EXTL3: variants seen among roughly 807,000 people sequenced by gnomAD.
The protein encoded by EXTL3 is exostosin-like 3.
Under a neutral mutation model 69.3 loss-of-function variants are expected in EXTL3, and 27 were observed. The observed-to-expected ratio is 0.39, with a 90% confidence interval of 0.29 to 0.54. EXTL3 has a LOEUF of 0.54. Among genes scored for constraint, EXTL3 ranks in the 20% least tolerant of loss-of-function variants. The probability of loss-of-function intolerance (pLI) is 0.69; values close to 1 mark genes in which losing one functional copy is unlikely to be tolerated. For synonymous variants in EXTL3, 511 were observed against 499.4 expected, an observed-to-expected ratio of 1.02 and a Z score of -0.31; for missense variants, 1,003 against 1,231.8, an observed-to-expected ratio of 0.81 and a Z score of 2.78.
In EXTL3 at chr8:28,753,603, C is replaced by G. The variant is rs1802057868; in HGVS notation, c.*2737C>G. 1 of 152,674 alleles carries G rather than the reference C, an allele frequency of 6.5e-6. No homozygotes were observed. Among genetic ancestry groups the G allele is most frequent in the Admixed American group, 6.5e-5 (1 of 15,270 alleles). The allele number at this position is 152,674 out of a possible 1,614,324, so 9.5% of individuals were successfully genotyped here. A position where few individuals can be genotyped will look rare whatever the true frequency, so the allele number is the denominator to read the frequency against. ...CTTTGATATCCATGCCACGTCCATC[C>G]ACCCCACCCCTTTTCGTCACGAGCA... is the stretch of plus-strand genomic sequence containing the variant. On this transcript the variant is annotated 3_prime_UTR_variant, in exon 7 of 7. Coordinates refer to ENST00000220562, the MANE Select transcript of EXTL3 (RefSeq NM_001440.4).
At chr8:28,721,071 T>C (rs966581917) in intron 3 of EXTL3, among the ~76,000 whole-genome samples, 7 of 152,240 alleles carry the variant, frequency 4.6e-5, no homozygotes, top group Non-Finnish European at 1.0e-4. Flanking sequence ...CTGGCTACTT[T>C]TGAAATTTTT....
At chr8:28,731,687 G>A (rs1169300611) in intron 4 of EXTL3, among the ~76,000 whole-genome samples, 1 of 152,120 alleles carries the variant, frequency 6.6e-6, no homozygotes, top group African/African-American at 2.4e-5. Context: ...AGAGGCAACG[G>A]GTAGGGTAGT....
chr8:28,657,523 G>A (rs906877334), intron 1 of EXTL3, among the ~76,000 whole-genome samples: 1 of 152,144 alleles, frequency 6.6e-6, no homozygotes, highest in Non-Finnish European at 1.5e-5. Context: ...TTTGTTTAGA[G>A]CTGTAACATT....
At chr8:28,699,524 C>T (rs530319278), upstream of EXTL3, 54 of 152,336 alleles carry the variant, frequency 3.5e-4, no homozygotes, top group South Asian at 1.5e-3. Flanking sequence ...TGTTGTTGTT[C>T]CCTAGATGGA....
intron 3 of EXTL3, among the ~76,000 whole-genome samples, chr8:28,720,673 G>A (rs963344738): frequency 3.3e-5 from 5 of 152,142 alleles, no homozygotes; most frequent in Non-Finnish European, 7.3e-5. Context: ...GGATGGTGGC[G>A]GGGCAAGGAG....
At chr8:28,669,247 A>G (rs903447392) in intron 1 of EXTL3, among the ~76,000 whole-genome samples, 5 of 152,208 alleles carry the variant, frequency 3.3e-5, no homozygotes, top group African/African-American at 9.7e-5. Context: ...TTCGCACTGC[A>G]CTAACTATAA....
intron 1 of EXTL3, among the ~76,000 whole-genome samples, chr8:28,658,204 G>T (rs551818584): frequency 6.2e-4 from 45 of 72,206 alleles, no homozygotes; most frequent in East Asian, 3.8e-3. Context: ...GACGGTGGGT[G>T]GGGGGGGTCC....
chr8:28,729,552 C>T (rs1005977072), intron 3 of EXTL3, among the ~76,000 whole-genome samples: 16 of 124,608 alleles, frequency 1.3e-4, no homozygotes, highest in African/African-American at 4.1e-4. Flanking sequence ...GCCAAGATTG[C>T]GCGACTGCAC....
intron 1 of EXTL3, among the ~76,000 whole-genome samples, chr8:28,667,181 T>G (rs1807210110): frequency 6.6e-6 from 1 of 152,212 alleles, no homozygotes; most frequent in African/African-American, 2.4e-5. Flanking sequence ...TCAAGACTAT[T>G]GCATTGGGGG....
chr8:28,737,745 G>C, intron 5 of EXTL3, 82 bp downstream of exon 5: 1 of 1,440,316 alleles, frequency 6.9e-7, no homozygotes, highest in Non-Finnish European at 9.8e-7. Context: ...CCTCAGCTTA[G>C]CTCTCCTAAC....
At chr8:28,619,150 T>C (rs939385542), upstream of EXTL3, among the ~76,000 whole-genome samples, 1 of 147,214 alleles carries the variant, frequency 6.8e-6, no homozygotes, top group Non-Finnish European at 1.5e-5. Context: ...TTCTGTTACC[T>C]GATTTAGCAC....
chr8:28,691,119 T>A (rs571863095), intron 1 of EXTL3, among the ~76,000 whole-genome samples: 126 of 152,330 alleles, frequency 8.3e-4, no homozygotes, highest in African/African-American at 3.0e-3. Flanking sequence ...GATACCAAAA[T>A]TAGTATATTT....
At chr8:28,697,857 T>C (rs991588286), upstream of EXTL3, 7 of 148,670 alleles carry the variant, frequency 4.7e-5, no homozygotes, top group Non-Finnish European at 7.4e-5. Flanking sequence ...AAAAACTACA[T>C]ACATGACTGT....
At chr8:28,626,381 AGTG>A (rs1806492159) in intron 1 of EXTL3, among the ~76,000 whole-genome samples, 1 of 152,178 alleles carries the variant, frequency 6.6e-6, no homozygotes, top group Non-Finnish European at 1.5e-5. Flanking sequence ...CTGAGGCTTC[AGTG>A]AAGAATGGAC....
Position 28,728,046 on chromosome 8 carries a change from T to G in EXTL3, c.2149-3177T>G, listed in dbSNP as rs142878514. Among the ~76,000 whole-genome samples, 14 of 152,340 alleles carry G rather than the reference T, an allele frequency of 9.2e-5. No homozygotes were observed. The East Asian group carries it at 2.5e-3, about 27-fold the overall frequency. On this transcript the variant is annotated intron_variant, in intron 3 of 6. Transcript: ENST00000220562. ...AAGCTGTGTGAGGGGGAGCTTTGTT[T>G]GGCTGAATTGGCAGAATCAGTTCTG...
chr8:28,713,570 G>C lies in EXTL3; in HGVS notation c.-476+20G>C. ...CACATGGTGAGGAAGGAATGAGTCAGCTGGATTGCTGTGATTACGCCTTCT... is the reference window on the plus strand; with the variant it reads ...CACATGGTGAGGAAGGAATGAGTCACCTGGATTGCTGTGATTACGCCTTCT... On this transcript the variant is annotated intron_variant, in intron 2 of 6. Transcript: ENST00000220562. The C allele has an allele frequency of 1.4e-6, 1 of 700,398 alleles. No homozygotes were observed. Among genetic ancestry groups the C allele is most frequent in the South Asian group, 1.5e-5 (1 of 66,852 alleles). 43.4% of individuals were successfully genotyped at this position (700,398 alleles called of 1,614,324 possible).
At chr8:28,731,000 T>C (rs927227257) in intron 3 of EXTL3, among the ~76,000 whole-genome samples, 1 of 152,236 alleles carries the variant, frequency 6.6e-6, no homozygotes, top group Admixed American at 6.5e-5. Flanking sequence ...ACAAGAAAAT[T>C]AGCTAACTAA....
intron 1 of EXTL3, among the ~76,000 whole-genome samples, chr8:28,661,404 A>T (rs1396408282): frequency 6.6e-6 from 1 of 152,082 alleles, no homozygotes; most frequent in Admixed American, 6.6e-5. Flanking sequence ...AAGCTTTAGC[A>T]TAAATACAAA....
chr8:28,739,152 C>A (rs1022654171), intron 5 of EXTL3, among the ~76,000 whole-genome samples: 3 of 152,144 alleles, frequency 2.0e-5, no homozygotes, highest in Admixed American at 2.0e-4. Context: ...TTGTATATTT[C>A]ATTGTTTCCA....
Sources: gnomAD v4.1 joint callset for allele counts (sites outside exome capture counted in the v4.1 genomes callset) on GRCh38, gnomAD v4.1.1 for gene constraint, MANE v1.5 for transcripts, NCBI Gene and HGNC (gene_info 2026-07-23, HGNC 2026-07-21) for gene names.